Variants in TRAPPC10 observed in about 807,000 individuals in gnomAD.
The protein encoded by TRAPPC10 is trafficking protein particle complex subunit 10, also known as TRAPP 130 kDa subunit.
TRAPPC10 carries 23 observed loss-of-function variants against 125.5 expected under a neutral mutation model. The ratio of observed to expected loss-of-function variants is 0.18; its 90% CI spans 0.13 to 0.26. The LOEUF (loss-of-function observed/expected upper bound fraction) is 0.26. Among genes scored for constraint, TRAPPC10 ranks in the 10% least tolerant of loss-of-function variants. The probability of loss-of-function intolerance (pLI) is 1.00; values close to 1 mark genes in which losing one functional copy is unlikely to be tolerated. For synonymous variants in TRAPPC10, 509 were observed against 518.0 expected (o/e 0.98, Z 0.24); for missense variants, 1,123 against 1,308.4 (o/e 0.86, Z 2.19).
intron 7 of TRAPPC10, among the ~76,000 whole-genome samples, chr21:44,069,858 A>T (rs753388861): frequency 6.6e-6 from 1 of 151,986 alleles, no homozygotes; most frequent in Admixed American, 6.6e-5. Flanking sequence ...AACCAACCTG[A>T]AGTTGAGCTA....
At chr21:44,037,963 A>G (rs747143621) in intron 3 of TRAPPC10, 36 bp downstream of exon 3, 14 of 1,604,332 alleles carry the variant, frequency 8.7e-6, no homozygotes, top group East Asian at 6.7e-5. Context: ...GCGCGGTGGG[A>G]TGGGGTTGGA....
At chr21:44,065,621 C>G (rs1397708665) in intron 7 of TRAPPC10, among the ~76,000 whole-genome samples, 1 of 152,198 alleles carries the variant, frequency 6.6e-6, no homozygotes, top group Non-Finnish European at 1.5e-5. Flanking sequence ...TTCTAAGAAC[C>G]CGCTTCCTGT....
chr21:44,063,386 G>T lies in TRAPPC10; in HGVS notation c.791-152G>T. On this transcript the variant is annotated intron_variant, in intron 6 of 22. Coordinates refer to ENST00000291574, the MANE Select transcript of TRAPPC10 (RefSeq NM_003274.5). The surrounding 1 kb of genome is among the most constrained non-coding windows in gnomAD (Gnocchi z 4.4). ...AGCTCGGCTGTCAGTGCTGGGAGCC[G>T]AATGCATCACTAGACCACAGGGGGT... 8.0e-7 allele frequency: 1 copy of T among 1,254,666 alleles called. No individual in the cohort carries two copies. The highest frequency in any genetic ancestry group is 1.1e-6 in the Non-Finnish European group (1 of 907,374). The allele number at this position is 1,254,666 out of a possible 1,614,324, so 77.7% of individuals were successfully genotyped here.
intron 15 of TRAPPC10, 42 bp from the exon 16 acceptor site, chr21:44,086,760 C>G (rs1346155162): frequency 1.9e-6 from 3 of 1,605,910 alleles, no homozygotes; most frequent in South Asian, 2.2e-5. Context: ...ATGCTGTCTT[C>G]CGGTTGGCAG....
intron 3 of TRAPPC10, among the ~76,000 whole-genome samples, chr21:44,050,148 GA>G (rs1340999285): frequency 6.6e-6 from 1 of 152,156 alleles, no homozygotes; most frequent in African/African-American, 2.4e-5. Flanking sequence ...GTCCTCTTAA[GA>G]GTCACAGAGT....
chr21:44,052,462 T>C lies in TRAPPC10; in HGVS notation c.468T>C (p.Asn156=). 2 of 1,604,666 alleles carry C rather than the reference T, an allele frequency of 1.2e-6. No homozygotes were observed. The highest frequency in any genetic ancestry group is 1.7e-6 in the Non-Finnish European group (2 of 1,177,080). Residue 156 remains asparagine, a synonymous_variant, in exon 4 of 23, where the codon AAT becomes AAC. Coordinates refer to ENST00000291574, the MANE Select transcript of TRAPPC10 (RefSeq NM_003274.5). The part of the protein sequence containing the change: ...IVDKIRNDFC[N]KQSDRCVVLS... ...ACAAAATAAGAAATGATTTTTGTAA[T>C]AAACAGAGTGACAGGTAAGTGTATC...
chr21:44,084,114 G>A lies in TRAPPC10; in HGVS notation c.2239-8G>A, dbSNP rs2037955363. On this transcript the variant is annotated splice_polypyrimidine_tract_variant and splice_region_variant and intron_variant, in intron 14 of 22. Transcript: ENST00000291574. Reference sequence around the variant, plus strand: ...CGTGGTTTCAAATGCCTGATTCTTTGACTCTAGGCCAAGGAACCTGGAACG... The same window carrying A: ...CGTGGTTTCAAATGCCTGATTCTTTAACTCTAGGCCAAGGAACCTGGAACG... The A allele has an allele frequency of 1.9e-6, 3 of 1,612,794 alleles. No homozygotes were observed. Among genetic ancestry groups the A allele is most frequent in the Non-Finnish European group, 2.5e-6 (3 of 1,179,728 alleles).
At chr21:44,018,862 A>G (rs2032177854) in intron 1 of TRAPPC10, among the ~76,000 whole-genome samples, 1 of 151,948 alleles carries the variant, frequency 6.6e-6, no homozygotes, top group Non-Finnish European at 1.5e-5. Context: ...TGACTTAAGG[A>G]TTTTTTTGTC....
chr21:44,048,675 A>G (rs1191471488), intron 3 of TRAPPC10, among the ~76,000 whole-genome samples: 5 of 151,410 alleles, frequency 3.3e-5, no homozygotes, highest in Admixed American at 2.0e-4. Context: ...TGCATTTTTC[A>G]TAGAGACGGG....
chr21:44,074,413 A>T lies in TRAPPC10; in HGVS notation c.1128A>T (p.Ala376=). The change falls in exon 8 of 23, where the codon GCA becomes GCT. Residue 376 remains alanine, a synonymous_variant. Coordinates refer to ENST00000291574, the MANE Select transcript of TRAPPC10 (RefSeq NM_003274.5). ...LQRIEGCCDR[A]QIDSNIAHTV... ...GGATAGAAGGCTGCTGTGACCGGGC[A>T]CAGATCGACTCAAACATTGCCCACA... 6.2e-7 allele frequency: 1 copy of T among 1,614,218 alleles called. No homozygotes were observed. Among genetic ancestry groups the T allele is most frequent in the South Asian group, 1.1e-5 (1 of 91,082 alleles).
At chr21:44,062,565 C>T (rs2036139218) in intron 6 of TRAPPC10, 3 of 984,864 alleles carry the variant, frequency 3.0e-6, no homozygotes, top group Non-Finnish European at 3.6e-6. Context: ...GCCAAGGGAA[C>T]TGCTGGTACA....
At chr21:44,061,205 C>A (rs375520414) in intron 6 of TRAPPC10, among the ~76,000 whole-genome samples, 1 of 151,998 alleles carries the variant, frequency 6.6e-6, no homozygotes, top group East Asian at 1.9e-4. Flanking sequence ...GGCGCCATCT[C>A]GGCTCACTGC....
chr21:44,084,015 G>A, intron 14 of TRAPPC10, 107 bp from the exon 15 acceptor site: 4 of 1,331,228 alleles, frequency 3.0e-6, no homozygotes, highest in Non-Finnish European at 4.1e-6. Context: ...AGGGAAAGAA[G>A]TACAGGCCTT....
intron 1 of TRAPPC10, among the ~76,000 whole-genome samples, chr21:44,013,352 A>G (rs2031397736): frequency 6.6e-6 from 1 of 152,250 alleles, no homozygotes; most frequent in Admixed American, 6.5e-5. Context: ...TATGGGAAGT[A>G]TTGAAATGTT....
At chr21:44,030,398 GCAAT>G (rs561773972) in intron 1 of TRAPPC10, among the ~76,000 whole-genome samples, 95 of 152,020 alleles carry the variant, frequency 6.2e-4, no homozygotes, top group Non-Finnish European at 9.9e-4. Flanking sequence ...ACAGAAATTG[GCAAT>G]CAAAGTTAAG....
At chr21:44,012,878 C>A (rs1206284070) in intron 1 of TRAPPC10, among the ~76,000 whole-genome samples, 1 of 151,956 alleles carries the variant, frequency 6.6e-6, no homozygotes, top group Non-Finnish European at 1.5e-5. Flanking sequence ...GCTGCCACCG[C>A]CCCGTCCCGC....
At chr21:44,049,493 C>T (rs2035087670) in intron 3 of TRAPPC10, among the ~76,000 whole-genome samples, 1 of 152,230 alleles carries the variant, frequency 6.6e-6, no homozygotes, top group Non-Finnish European at 1.5e-5. Context: ...ACTTGATCTG[C>T]AATTAGGACA....
At chr21:44,086,680 A>G in intron 15 of TRAPPC10, 122 bp from the exon 16 acceptor site, 1 of 1,062,462 alleles carries the variant, frequency 9.4e-7, no homozygotes, top group Non-Finnish European at 1.4e-6. Flanking sequence ...GAATTCATGG[A>G]GATCCCAAAG....
intron 1 of TRAPPC10, among the ~76,000 whole-genome samples, chr21:44,024,604 C>G (rs1295971185): frequency 6.6e-6 from 1 of 152,172 alleles, no homozygotes; most frequent in Non-Finnish European, 1.5e-5. Flanking sequence ...AGTCAAATTA[C>G]TGTAGTTTTA....
Sources: gnomAD v4.1 joint callset for allele counts (sites outside exome capture counted in the v4.1 genomes callset) on GRCh38, gnomAD v4.1.1 for gene constraint, Gnocchi (gnomAD v3.1) non-coding constraint, MANE v1.5 for transcripts, NCBI Gene and HGNC (gene_info 2026-07-23, HGNC 2026-07-21) for gene names.